PTPRD: variants seen among roughly 807,000 people sequenced by gnomAD.
The protein encoded by PTPRD is protein tyrosine phosphatase receptor type D.
PTPRD carries 34 observed loss-of-function variants against 214.5 expected under a neutral mutation model. The ratio of observed to expected loss-of-function variants is 0.16; its 90% CI spans 0.12 to 0.21. The LOEUF (loss-of-function observed/expected upper bound fraction) is 0.21. Among genes scored for constraint, PTPRD ranks in the 10% least tolerant of loss-of-function variants. PTPRD has a pLI of 1.00. For synonymous variants in PTPRD, 1,128 were observed against 845.7 expected, an observed-to-expected ratio of 1.33 and a Z score of -5.79; for missense variants, 2,545 against 2,398.7, an observed-to-expected ratio of 1.06 and a Z score of -1.27.
chr9:8,403,610 C>A (rs898559619), intron 36 of PTPRD, among the ~76,000 whole-genome samples: 1 of 152,118 alleles, frequency 6.6e-6, no homozygotes, highest in African/African-American at 2.4e-5. Flanking sequence ...AAAAATGATC[C>A]GTCATGAATC....
chr9:10,098,597 G>A (rs983304564), intron 3 of PTPRD, among the ~76,000 whole-genome samples: 4 of 151,770 alleles, frequency 2.6e-5, no homozygotes, highest in Non-Finnish European at 4.4e-5. Context: ...ATCTTTCTGA[G>A]CCATATTTTT....
chr9:8,414,914 GGA>G (rs1417553232), intron 35 of PTPRD, among the ~76,000 whole-genome samples: 17 of 110,476 alleles, frequency 1.5e-4, no homozygotes, highest in African/African-American at 5.7e-4. Flanking sequence ...GGAGGGAGGG[GGA>G]GAGAGAGGGA....
chr9:9,849,339 C>A (rs2060119700), intron 5 of PTPRD, among the ~76,000 whole-genome samples: 1 of 151,918 alleles, frequency 6.6e-6, no homozygotes, highest in African/African-American at 2.4e-5. Flanking sequence ...AAGCAATTAA[C>A]CCAGGCATCA....
intron 11 of PTPRD, among the ~76,000 whole-genome samples, chr9:8,802,563 C>A (rs1374793616): frequency 6.6e-6 from 1 of 152,204 alleles, no homozygotes; most frequent in African/African-American, 2.4e-5. Context: ...AAACTGGCCT[C>A]ACTCAGCCTG....
intron 11 of PTPRD, among the ~76,000 whole-genome samples, chr9:8,819,603 G>C (rs1269177036): frequency 1.3e-5 from 2 of 152,150 alleles, no homozygotes; most frequent in African/African-American, 4.8e-5. Flanking sequence ...AGAGGTTGCA[G>C]TGAGCCAAGA....
At chr9:10,349,844 T>C (rs1207460213) in intron 2 of PTPRD, among the ~76,000 whole-genome samples, 2 of 152,170 alleles carry the variant, frequency 1.3e-5, no homozygotes, top group Non-Finnish European at 2.9e-5. Flanking sequence ...GTATTTTTAA[T>C]AGAGACAGGG....
intron 14 of PTPRD, among the ~76,000 whole-genome samples, chr9:8,596,765 C>G (rs900616093): frequency 6.6e-6 from 1 of 152,062 alleles, no homozygotes; most frequent in Non-Finnish European, 1.5e-5. Context: ...TAATCCTTAT[C>G]TAAGCTAGGC....
chr9:10,572,997 C>G (rs2067972832), intron 2 of PTPRD, among the ~76,000 whole-genome samples: 1 of 151,908 alleles, frequency 6.6e-6, no homozygotes, highest in Non-Finnish European at 1.5e-5. Flanking sequence ...TATAGAAGAA[C>G]CACTATTGGA....
intron 7 of PTPRD, among the ~76,000 whole-genome samples, chr9:9,603,454 G>A (rs2093926930): frequency 6.6e-6 from 1 of 152,124 alleles, no homozygotes; most frequent in African/African-American, 2.4e-5. Context: ...ATAAACCAGA[G>A]GTCCCCAACC....
At chr9:10,586,486 A>G (rs952306318) in intron 2 of PTPRD, among the ~76,000 whole-genome samples, 2 of 152,092 alleles carry the variant, frequency 1.3e-5, no homozygotes, top group African/African-American at 4.8e-5. Context: ...GAAAGCCCAA[A>G]AATTGCATGG....
intron 11 of PTPRD, among the ~76,000 whole-genome samples, chr9:8,839,569 C>T (rs544061278): frequency 2.6e-5 from 4 of 152,172 alleles, no homozygotes; most frequent in Non-Finnish European, 1.5e-5. Context: ...AAGTGATCCA[C>T]CCACCTTGGC....
At chr9:10,055,690 T>G (rs936438455) in intron 3 of PTPRD, among the ~76,000 whole-genome samples, 1 of 152,034 alleles carries the variant, frequency 6.6e-6, no homozygotes, top group Non-Finnish European at 1.5e-5. Context: ...TACTGAATTA[T>G]GAATAACCAT....
intron 11 of PTPRD, among the ~76,000 whole-genome samples, chr9:8,878,978 A>G (rs1162217413): frequency 6.6e-6 from 1 of 152,208 alleles, no homozygotes; most frequent in African/African-American, 2.4e-5. Flanking sequence ...TTCTGTGTTC[A>G]CCAGGCTTTC....
At chr9:9,376,069 G>GAC (rs1555323563) in intron 9 of PTPRD, among the ~76,000 whole-genome samples, 4 of 151,738 alleles carry the variant, frequency 2.6e-5, no homozygotes, top group Admixed American at 2.0e-4. Context: ...ATGAGAACTT[G>GAC]CTCATCATTA....
At chr9:9,759,986 T>C (rs986639587) in intron 6 of PTPRD, among the ~76,000 whole-genome samples, 3 of 152,202 alleles carry the variant, frequency 2.0e-5, no homozygotes, top group African/African-American at 7.2e-5. Flanking sequence ...GTTGTACATT[T>C]TGCTCATGTT....
intron 8 of PTPRD, among the ~76,000 whole-genome samples, chr9:9,462,522 G>C (rs528954774): frequency 6.6e-6 from 1 of 152,114 alleles, no homozygotes; most frequent in Non-Finnish European, 1.5e-5. Flanking sequence ...AGTTAAATCA[G>C]ATTTTTAAAA....
intron 2 of PTPRD, among the ~76,000 whole-genome samples, chr9:10,575,296 T>C (rs1186080745): frequency 3.9e-5 from 6 of 152,118 alleles, no homozygotes; most frequent in Middle Eastern, 6.8e-3. Context: ...AATATGAAAG[T>C]TGGGAAAAAT....
intron 8 of PTPRD, among the ~76,000 whole-genome samples, chr9:9,475,918 G>A (rs989560875): frequency 1.3e-5 from 2 of 152,114 alleles, no homozygotes; most frequent in African/African-American, 4.8e-5. Context: ...CTCCGCAGTG[G>A]TAGTTTCACA....
At chr9:10,167,978 G>A (rs2099169862) in intron 3 of PTPRD, among the ~76,000 whole-genome samples, 1 of 152,180 alleles carries the variant, frequency 6.6e-6, no homozygotes, top group Admixed American at 6.5e-5. Context: ...GAACTGTATG[G>A]ACAGAGCTCA....
Sources: gnomAD v4.1 joint callset for allele counts (sites outside exome capture counted in the v4.1 genomes callset) on GRCh38, gnomAD v4.1.1 for gene constraint, MANE v1.5 for transcripts, NCBI Gene and HGNC (gene_info 2026-07-23, HGNC 2026-07-21) for gene names.